The following CERS6 variants were observed in gnomAD, a reference collection of about 807,000 sequenced individuals.
The protein encoded by CERS6 is ceramide synthase 6.
A neutral mutation model predicts 56.8 loss-of-function variants in CERS6; 26 were observed. The ratio of observed to expected loss-of-function variants is 0.46; its 90% CI spans 0.34 to 0.63. The LOEUF (loss-of-function observed/expected upper bound fraction) is 0.63, where lower values mean the gene tolerates loss of function less well. Among genes scored for constraint, CERS6 ranks in the 30% least tolerant of loss-of-function variants. CERS6 has a pLI of 0.01. For synonymous variants in CERS6, 164 were observed against 173.3 expected, an observed-to-expected ratio of 0.95 and a Z score of 0.42; for missense variants, 415 against 467.5, an observed-to-expected ratio of 0.89 and a Z score of 1.04.
intron 1 of CERS6, among the ~76,000 whole-genome samples, chr2:168,461,989 C>T (rs1046939782): frequency 5.9e-5 from 9 of 152,196 alleles, no homozygotes; most frequent in African/African-American, 2.2e-4. Flanking sequence ...CTTTGTCAGA[C>T]ATTGCTGCAC....
chr2:168,651,939 G>T (rs1685352301), intron 4 of CERS6, among the ~76,000 whole-genome samples: 1 of 152,310 alleles, frequency 6.6e-6, no homozygotes, highest in South Asian at 2.1e-4. Flanking sequence ...AATAGTGATT[G>T]ATAATTTATT....
chr2:168,538,756 C>G (rs1695313301), intron 1 of CERS6, among the ~76,000 whole-genome samples: 1 of 152,218 alleles, frequency 6.6e-6, no homozygotes, highest in Admixed American at 6.5e-5. Context: ...TTTGTAGTGA[C>G]TCATTAAGCT....
chr2:168,476,405 C>T (rs1694071194), intron 1 of CERS6, among the ~76,000 whole-genome samples: 1 of 152,142 alleles, frequency 6.6e-6, no homozygotes, highest in Non-Finnish European at 1.5e-5. Context: ...ATTTTCTATG[C>T]ATGTTCAAGT....
At chr2:168,631,566 T>TTAAATATAA (rs1360716110) in intron 4 of CERS6, among the ~76,000 whole-genome samples, 2 of 119,794 alleles carry the variant, frequency 1.7e-5, no homozygotes, top group African/African-American at 6.7e-5. Flanking sequence ...TATTTATATA[T>TTAAATATAA]TAAATATAAT....
chr2:168,647,181 G>T (rs183023657), intron 4 of CERS6, among the ~76,000 whole-genome samples: 1 of 152,044 alleles, frequency 6.6e-6, no homozygotes, highest in South Asian at 2.1e-4. Flanking sequence ...GTGTTTTGTT[G>T]TTTGTGTCTT....
chr2:168,704,415 C>G (rs1686881195), intron 6 of CERS6, among the ~76,000 whole-genome samples: 1 of 152,050 alleles, frequency 6.6e-6, no homozygotes, highest in South Asian at 2.1e-4. Flanking sequence ...GAGTTTCTCT[C>G]AAGTCAATTC....
At chr2:168,710,802 C>T (rs1465791912) in intron 6 of CERS6, among the ~76,000 whole-genome samples, 1 of 152,208 alleles carries the variant, frequency 6.6e-6, no homozygotes, top group Non-Finnish European at 1.5e-5. Flanking sequence ...TACATAATCA[C>T]TTATTAAACT....
intron 3 of CERS6, among the ~76,000 whole-genome samples, chr2:168,575,806 AC>A (rs1294668226): frequency 6.6e-6 from 1 of 151,814 alleles, no homozygotes; most frequent in Non-Finnish European, 1.5e-5. Flanking sequence ...GCTTCTTCTC[AC>A]CCCTTGGCCT....
At chr2:168,698,260 A>AAAAAAAAAAAAAAAAAG (rs1686715716) in intron 6 of CERS6, among the ~76,000 whole-genome samples, 1 of 43,708 alleles carries the variant, frequency 2.3e-5, no homozygotes, top group Non-Finnish European at 7.5e-5. Flanking sequence ...AAAAAGAAAA[A>AAAAAAAAAAAAAAAAAG]AAAAAAAAAA....
intron 3 of CERS6, among the ~76,000 whole-genome samples, chr2:168,582,142 G>A (rs1353773927): frequency 6.6e-6 from 1 of 152,226 alleles, no homozygotes; most frequent in Admixed American, 6.5e-5. Flanking sequence ...AGAATTGGGG[G>A]TAGAGGTAGG....
rs1026371558 is a variant in CERS6 at position 168,558,096 on chromosome 2, G to GA, written c.277-3090dup. Among the ~76,000 whole-genome samples the GA allele has an allele frequency of 6.6e-5, 10 of 152,248 alleles. 1 individual carries two copies. The highest frequency in any genetic ancestry group is 2.4e-4 in the African/African-American group (10 of 41,532). Reference sequence around the variant, plus strand: ...AGATCCTGTTTTATGTATTAGACTGGAAAAAATGGAAACGTCTGATATCAT... The same window carrying GA: ...AGATCCTGTTTTATGTATTAGACTGGAAAAAAATGGAAACGTCTGATATCAT... On this transcript the variant is annotated intron_variant, in intron 2 of 9. Coordinates refer to ENST00000305747, the MANE Select transcript of CERS6 (RefSeq NM_203463.3).
chr2:168,730,292 A>G (rs1358842137), intron 8 of CERS6, among the ~76,000 whole-genome samples: 2 of 152,230 alleles, frequency 1.3e-5, no homozygotes, highest in Non-Finnish European at 2.9e-5. Flanking sequence ...GTGGATTGTC[A>G]GTGAATTGGA....
chr2:168,640,799 C>T (rs4668084), intron 4 of CERS6, among the ~76,000 whole-genome samples: 140,600 of 152,266 alleles, frequency 0.92, 65,431 homozygotes, highest in Non-Finnish European at 0.99. Flanking sequence ...AGTTTTCCTG[C>T]TTGTCCTCAT....
chr2:168,462,182 A>G (rs1693791691), intron 1 of CERS6, among the ~76,000 whole-genome samples: 1 of 152,202 alleles, frequency 6.6e-6, no homozygotes, highest in South Asian at 2.1e-4. Context: ...GGGACTTTCA[A>G]AATTTTATTA....
intron 1 of CERS6, among the ~76,000 whole-genome samples, chr2:168,483,556 C>T (rs1479395630): frequency 6.6e-6 from 1 of 152,112 alleles, no homozygotes; most frequent in East Asian, 1.9e-4. Context: ...TAAAGGAAGA[C>T]TTGAATGTCC....
intron 3 of CERS6, among the ~76,000 whole-genome samples, chr2:168,624,401 C>T (rs1684544211): frequency 6.6e-6 from 1 of 151,796 alleles, no homozygotes; most frequent in Admixed American, 6.6e-5. Context: ...GATTTGAATC[C>T]CAAATTCACC....
intron 4 of CERS6, among the ~76,000 whole-genome samples, chr2:168,634,063 G>A (rs1684808277): frequency 6.6e-6 from 1 of 152,132 alleles, no homozygotes; most frequent in South Asian, 2.1e-4. Context: ...TTCTATGGTG[G>A]TTTAATAAGC....
intron 4 of CERS6, among the ~76,000 whole-genome samples, chr2:168,678,559 G>C (rs1263160920): frequency 1.3e-5 from 2 of 152,148 alleles, no homozygotes; most frequent in African/African-American, 4.8e-5. Context: ...CTGAGTAGTT[G>C]TTCAATGTAG....
chr2:168,623,967 G>T lies in CERS6; in HGVS notation c.408-7018G>T, dbSNP rs899317789. On this transcript the variant is annotated intron_variant, in intron 3 of 9. Transcript: ENST00000305747. ...TATCTGTAGAATAAGGTCATAGATG[G>T]GCTCTTAGGGACCCTACCTAGGCTG... Among the ~76,000 whole-genome samples, 4 of 152,202 alleles carry T rather than the reference G, an allele frequency of 2.6e-5. No individual in the cohort carries two copies. The East Asian group carries it at 7.7e-4, about 29-fold the overall frequency.
Sources: allele counts gnomAD v4.1 joint callset (sites outside exome capture counted in the v4.1 genomes callset), GRCh38; gene constraint gnomAD v4.1.1; transcripts MANE v1.5; gene names NCBI Gene and HGNC (gene_info 2026-07-23, HGNC 2026-07-21).